Variants in ZMAT4 observed in about 807,000 individuals in gnomAD.
ZMAT4 encodes zinc finger matrin-type protein 4.
A neutral mutation model predicts 28.7 loss-of-function variants in ZMAT4; 17 were observed. The observed-to-expected ratio is 0.59, with a 90% CI of 0.41 to 0.89. The LOEUF (loss-of-function observed/expected upper bound fraction) is 0.89, where lower values mean the gene tolerates loss of function less well. Ranked by LOEUF, ZMAT4 falls within the 40% of genes least tolerant of loss-of-function variation. The probability of loss-of-function intolerance (pLI) is 0.00; values close to 1 mark genes in which losing one functional copy is unlikely to be tolerated. For missense variants in ZMAT4, 240 were observed against 283.8 expected, an observed-to-expected ratio of 0.85 and a Z score of 1.11; for synonymous variants, 117 against 109.2, an observed-to-expected ratio of 1.07 and a Z score of -0.44.
chr8:40,840,446 A>G (rs372177005), intron 1 of ZMAT4, among the ~76,000 whole-genome samples: 2 of 152,134 alleles, frequency 1.3e-5, no homozygotes, highest in East Asian at 3.9e-4. Context: ...CCCAAGAGCC[A>G]CCCGGTAGGC....
intron 2 of ZMAT4, among the ~76,000 whole-genome samples, chr8:40,791,919 C>T (rs1192226546): frequency 6.6e-6 from 1 of 152,142 alleles, no homozygotes; most frequent in Non-Finnish European, 1.5e-5. Flanking sequence ...GGCCGCTGCA[C>T]AGCAGAGGGG....
chr8:40,577,760 A>T (rs998899027), intron 6 of ZMAT4, among the ~76,000 whole-genome samples: 6 of 151,962 alleles, frequency 3.9e-5, no homozygotes, highest in Non-Finnish European at 8.8e-5. Context: ...TTATGTATCA[A>T]TTATAAACAA....
Position 40,653,502 on chromosome 8 carries a change from A to C in ZMAT4, c.577+21202T>G, listed in dbSNP as rs150329105. 3.7e-3 allele frequency among the ~76,000 whole-genome samples: 565 copies of C among 152,246 alleles called. 4 individuals carry two copies. The highest frequency in any genetic ancestry group is 5.5e-3 in the Non-Finnish European group (372 of 67,996). On this transcript the variant is annotated intron_variant, in intron 5 of 6. Transcript: ENST00000297737. ...ATTTGAAAAGATCAACAAAACTGAT[A>C]AATATCTAGCTAAATTGACAAGAAA...
intron 3 of ZMAT4, among the ~76,000 whole-genome samples, chr8:40,704,892 A>C (rs1480113486): frequency 6.6e-6 from 1 of 152,152 alleles, no homozygotes; most frequent in Non-Finnish European, 1.5e-5. Flanking sequence ...TTATTGTGTG[A>C]GTTTGTCCAC....
At chr8:40,885,393 C>G (rs922281779) in intron 1 of ZMAT4, among the ~76,000 whole-genome samples, 1 of 152,166 alleles carries the variant, frequency 6.6e-6, no homozygotes, top group African/African-American at 2.4e-5. Context: ...TGTTACCATC[C>G]GACCCGAGCC....
chr8:40,551,671 G>A (rs530133840), intron 6 of ZMAT4, among the ~76,000 whole-genome samples: 22 of 152,212 alleles, frequency 1.4e-4, no homozygotes, highest in African/African-American at 5.1e-4. Flanking sequence ...AACCTCTGTC[G>A]TCGAGACCAA....
chr8:40,754,185 A>G (rs1794035681), intron 3 of ZMAT4, among the ~76,000 whole-genome samples: 1 of 152,108 alleles, frequency 6.6e-6, no homozygotes, highest in African/African-American at 2.4e-5. Context: ...AAAAAAAAGA[A>G]AAAAGGTTTA....
At chr8:40,619,875 G>A (rs1806136314) in intron 5 of ZMAT4, among the ~76,000 whole-genome samples, 1 of 152,188 alleles carries the variant, frequency 6.6e-6, no homozygotes. Flanking sequence ...CAAAATGCAT[G>A]CCCTTTAACT....
At chr8:40,805,931 A>C (rs981164131) in intron 2 of ZMAT4, among the ~76,000 whole-genome samples, 2 of 152,128 alleles carry the variant, frequency 1.3e-5, no homozygotes, top group Non-Finnish European at 2.9e-5. Flanking sequence ...CTAAAACTTA[A>C]AGTATAATTA....
At chr8:40,764,134 A>G (rs1211068286) in intron 3 of ZMAT4, among the ~76,000 whole-genome samples, 2 of 152,210 alleles carry the variant, frequency 1.3e-5, no homozygotes, top group Non-Finnish European at 2.9e-5. Flanking sequence ...GGACTGCGTG[A>G]ACACTGAAGT....
chr8:40,851,276 C>A (rs1156368233), intron 1 of ZMAT4, among the ~76,000 whole-genome samples: 3 of 152,028 alleles, frequency 2.0e-5, no homozygotes, highest in African/African-American at 7.2e-5. Context: ...TGCAGTGAGC[C>A]AAGATTGCAC....
intron 3 of ZMAT4, among the ~76,000 whole-genome samples, chr8:40,759,747 A>G (rs1812849962): frequency 6.6e-6 from 1 of 152,176 alleles, no homozygotes; most frequent in Non-Finnish European, 1.5e-5. Context: ...CTGGAAAAAC[A>G]TGAGCTCCTG....
chr8:40,732,694 G>A (rs909767958), intron 3 of ZMAT4, among the ~76,000 whole-genome samples: 2 of 152,172 alleles, frequency 1.3e-5, no homozygotes, highest in Non-Finnish European at 2.9e-5. Flanking sequence ...GGTGTCCAAC[G>A]TTATGGGGTA....
chr8:40,640,195 C>G (rs1806958045), intron 5 of ZMAT4, among the ~76,000 whole-genome samples: 1 of 152,096 alleles, frequency 6.6e-6, no homozygotes, highest in Admixed American at 6.5e-5. Context: ...CCAGGCTGGT[C>G]TTGAATTCCT....
rs1032652179 is a variant in ZMAT4 at position 40,647,116 on chromosome 8, G to A, written c.577+27588C>T. On this transcript the variant is annotated intron_variant, in intron 5 of 6. Coordinates refer to ENST00000297737, the MANE Select transcript of ZMAT4 (RefSeq NM_024645.3). ...ACAGCTCCGGTCTACAGCTCCCAGC[G>A]TGAGCGACGCAGAAGACGGGTGATT... Among the ~76,000 whole-genome samples the A allele has an allele frequency of 8.5e-5, 13 of 152,192 alleles. No individual in the cohort carries two copies. The South Asian group carries it at 1.0e-3, about 12-fold the overall frequency.
At chr8:40,684,035 T>C (rs928412974) in intron 4 of ZMAT4, among the ~76,000 whole-genome samples, 1 of 151,908 alleles carries the variant, frequency 6.6e-6, no homozygotes, top group Admixed American at 6.6e-5. Context: ...GCCACTGCAT[T>C]CTAGCCTGGG....
At chr8:40,687,371 G>A (rs1185108677) in intron 4 of ZMAT4, among the ~76,000 whole-genome samples, 1 of 152,164 alleles carries the variant, frequency 6.6e-6, no homozygotes, top group Admixed American at 6.5e-5. Context: ...GTCCCGGGGA[G>A]GGCGGTTCTG....
At chr8:40,741,512 T>C (rs1812002821) in intron 3 of ZMAT4, among the ~76,000 whole-genome samples, 1 of 151,852 alleles carries the variant, frequency 6.6e-6, no homozygotes, top group South Asian at 2.1e-4. Context: ...TCTGTATTAA[T>C]GAAAGAAATT....
At chr8:40,767,503 C>G (rs1333954233) in intron 3 of ZMAT4, 138 bp downstream of exon 3, 5 of 680,150 alleles carry the variant, frequency 7.4e-6, no homozygotes, top group African/African-American at 7.3e-5. Context: ...ATCATAGTAC[C>G]TGTAATATTT....
Sources: gnomAD v4.1 joint callset for allele counts (sites outside exome capture counted in the v4.1 genomes callset) on GRCh38, gnomAD v4.1.1 for gene constraint, MANE v1.5 for transcripts, NCBI Gene and HGNC (gene_info 2026-07-23, HGNC 2026-07-21) for gene names.